TTLL2: variants seen among roughly 807,000 people sequenced by gnomAD.
TTLL2 encodes the protein tubulin tyrosine ligase like 2.
Under a neutral mutation model 7.5 loss-of-function variants are expected in TTLL2, and 10 were observed. The ratio of observed to expected loss-of-function variants is 1.33; its 90% CI spans 0.82 to 2.25. TTLL2 has a LOEUF of 2.25. Ranked by LOEUF, TTLL2 falls within the 30% of genes most tolerant of loss-of-function variation. The pLI, the probability that TTLL2 is intolerant of heterozygous loss-of-function variation, is 0.00. For synonymous variants in TTLL2, 284 were observed against 280.3 expected, an observed-to-expected ratio of 1.01 and a Z score of -0.13; for missense variants, 733 against 735.7, an observed-to-expected ratio of 1.00 and a Z score of 0.04.
rs780723180 is a variant in TTLL2 at position 167,340,965 on chromosome 6, C to T, written c.1065C>T (p.Ala355=). ...GCATGGTTATTCTCACCATTCTCGC[C>T]ATTGCACCATCTGTCCCCTTTGCTG... ...IHRMVILTIL[A]IAPSVPFAAN... Residue 355 remains alanine, a synonymous_variant, in exon 3 of 3, where the codon GCC becomes GCT. Transcript: ENST00000239587. 5 of 1,614,100 alleles carry T rather than the reference C, an allele frequency of 3.1e-6. No individual in the cohort carries two copies. The highest frequency in any genetic ancestry group is 4.2e-6 in the Non-Finnish European group (5 of 1,180,036).
chr6:167,341,313 G>A lies in TTLL2; in HGVS notation c.1413G>A (p.Val471=), dbSNP rs1779092326. 1 of 1,613,678 alleles carries A rather than the reference G, an allele frequency of 6.2e-7. No individual in the cohort carries two copies. The highest frequency in any genetic ancestry group is 8.5e-7 in the Non-Finnish European group (1 of 1,179,972). Residue 471 remains valine, a synonymous_variant, in exon 3 of 3, where the codon GTG becomes GTA. Transcript: ENST00000239587. ...TSRMYNEDDS[V]VEKAVSVRPE... is the part of the protein sequence containing the mutation. Reference sequence around the variant, plus strand: ...GAATGTACAACGAGGATGACTCTGTGGTGGAGAAAGCTGTGAGTGTGCGTC... The same window carrying A: ...GAATGTACAACGAGGATGACTCTGTAGTGGAGAAAGCTGTGAGTGTGCGTC...
chr6:167,329,919 T>A (rs945773396), intron 1 of TTLL2, among the ~76,000 whole-genome samples: 1 of 152,226 alleles, frequency 6.6e-6, no homozygotes, highest in Admixed American at 6.5e-5. Context: ...TTTTGTATTA[T>A]ATAAATGTTT....
chr6:167,328,636 G>A (rs1332652450), intron 1 of TTLL2, among the ~76,000 whole-genome samples: 1 of 152,172 alleles, frequency 6.6e-6, no homozygotes, highest in African/African-American at 2.4e-5. Flanking sequence ...AGTACTGAAT[G>A]GTGGGTGGTA....
intron 2 of TTLL2, 50 bp from the exon 3 acceptor site, chr6:167,340,055 G>A (rs1380420674): frequency 6.6e-7 from 1 of 1,522,814 alleles, no homozygotes; most frequent in Admixed American, 2.2e-5. Context: ...AAATCTACTA[G>A]GTTATGGTCT....
rs917773884 is a variant in TTLL2, at chr6:167,336,312, C to T, written c.48-2335C>T. On this transcript the variant is annotated intron_variant, in intron 1 of 2. Coordinates refer to ENST00000239587, the MANE Select transcript of TTLL2 (RefSeq NM_031949.5). ...CTCCACATCCTCGCCAGCCAGCCTC[C>T]TTCACTGAAAGAAGAAATAATAATA... 3.3e-5 allele frequency among the ~76,000 whole-genome samples: 5 copies of T among 152,016 alleles called. No homozygotes were observed. In the South Asian group the frequency reaches 1.0e-3, roughly 32 times the overall value.
chr6:167,331,961 T>G (rs1298969957), intron 1 of TTLL2, among the ~76,000 whole-genome samples: 1 of 152,166 alleles, frequency 6.6e-6, no homozygotes, highest in Non-Finnish European at 1.5e-5. Context: ...GTATGATTCG[T>G]GAATCATTCG....
At position 167,340,104 on chromosome 6, in the gene TTLL2, G is replaced by GA. The variant is rs757388585; in HGVS notation, c.210dup (p.Pro71ThrfsTer8). The GA allele has an allele frequency of 1.9e-6, 3 of 1,561,968 alleles. No homozygotes were observed. In the Admixed American group the frequency reaches 5.7e-5, roughly 30 times the overall value. ...AACCTTTCTCAATGATCCATTTTTAGAAAAAACCTCATTTGATGGCGGAAG... is the reference window on the plus strand; with the variant it reads ...AACCTTTCTCAATGATCCATTTTTAGAAAAAAACCTCATTTGATGGCGGAAG... On this transcript the variant is annotated frameshift_variant and splice_region_variant. Transcript: ENST00000239587. LOFTEE classifies it high-confidence loss of function.
intron 1 of TTLL2, among the ~76,000 whole-genome samples, chr6:167,331,246 C>T (rs1460364781): frequency 2.0e-5 from 3 of 152,028 alleles, no homozygotes; most frequent in Non-Finnish European, 4.4e-5. Context: ...TTATCATTTC[C>T]TGTGGTGAGG....
intron 1 of TTLL2, chr6:167,328,315 G>A (rs1353764769): frequency 3.1e-6 from 1 of 327,276 alleles, no homozygotes. Context: ...GATTCCCGCA[G>A]TGATGGAATA....
intron 1 of TTLL2, among the ~76,000 whole-genome samples, chr6:167,337,999 C>G (rs1011258019): frequency 6.6e-6 from 1 of 151,954 alleles, no homozygotes; most frequent in Admixed American, 6.6e-5. Flanking sequence ...CACATATACA[C>G]AGCAGACATA....
At chr6:167,337,960 C>T (rs946609932) in intron 1 of TTLL2, among the ~76,000 whole-genome samples, 4 of 151,712 alleles carry the variant, frequency 2.6e-5, no homozygotes, top group African/African-American at 9.7e-5. Context: ...AACACACATA[C>T]ATACCACGTA....
chr6:167,330,598 A>G (rs1173950889), intron 1 of TTLL2, among the ~76,000 whole-genome samples: 1 of 152,082 alleles, frequency 6.6e-6, no homozygotes. Context: ...GAAAGAAAAC[A>G]ATATACAAAA....
chr6:167,331,072 C>G (rs968611390), intron 1 of TTLL2, among the ~76,000 whole-genome samples: 5 of 152,190 alleles, frequency 3.3e-5, no homozygotes, highest in African/African-American at 1.2e-4. Flanking sequence ...TTTCTAAGAG[C>G]TACTCAGTAC....
chr6:167,340,706 C>A lies in TTLL2; in HGVS notation c.806C>A (p.Thr269Asn), dbSNP rs374231286. 1 of 1,614,048 alleles carries A rather than the reference C, an allele frequency of 6.2e-7. No individual in the cohort carries two copies. The highest frequency in any genetic ancestry group is 1.3e-5 in the African/African-American group (1 of 74,882). ...TGTGTTACTGGCTTTAAGCCTTTGA[C>A]CATTTATGTTTATCAGGAAGGGTTG... ...YVCVTGFKPL[T>N]IYVYQEGLVR... Residue 269 changes from threonine (T) to asparagine (N), a missense_variant, in exon 3 of 3, where the codon ACC (threonine) becomes AAC (asparagine). Coordinates refer to ENST00000239587, the MANE Select transcript of TTLL2 (RefSeq NM_031949.5).
intron 1 of TTLL2, among the ~76,000 whole-genome samples, chr6:167,327,176 GA>G (rs1303885683): frequency 6.6e-6 from 1 of 152,204 alleles, no homozygotes; most frequent in Non-Finnish European, 1.5e-5. Context: ...CTTGCTTAGT[GA>G]AACTTCATTT....
intron 1 of TTLL2, among the ~76,000 whole-genome samples, chr6:167,337,380 G>C (rs1323984261): frequency 6.6e-6 from 1 of 152,158 alleles, no homozygotes; most frequent in Non-Finnish European, 1.5e-5. Context: ...GTGGGGAGAC[G>C]GAACTGAGGT....
In TTLL2 at chr6:167,334,249, G is replaced by A. The variant is rs1329522219; in HGVS notation, c.48-4398G>A. On this transcript the variant is annotated intron_variant, in intron 1 of 2. Coordinates refer to ENST00000239587, the MANE Select transcript of TTLL2 (RefSeq NM_031949.5). ...TTGTTCAGTTTCCATGTAGTTGAGC[G>A]GCTTTGAGTGGGATTCTTAATCCTG... 3.0e-4 allele frequency among the ~76,000 whole-genome samples: 45 copies of A among 148,724 alleles called. 1 individual carries two copies. The highest frequency in any genetic ancestry group is 1.1e-3 in the African/African-American group (41 of 39,022).
chr6:167,341,765 C>T lies in TTLL2; in HGVS notation c.*86C>T, dbSNP rs1779101558. ...CTAGAGAAAGCAATAGTTCAAGTCCCTACCTGTGCCACCAGCATGTTAACT... is the reference window on the plus strand; with the variant it reads ...CTAGAGAAAGCAATAGTTCAAGTCCTTACCTGTGCCACCAGCATGTTAACT... On this transcript the variant is annotated 3_prime_UTR_variant, in exon 3 of 3. Coordinates refer to ENST00000239587, the MANE Select transcript of TTLL2 (RefSeq NM_031949.5). 6 of 1,375,156 alleles carry T rather than the reference C, an allele frequency of 4.4e-6. No individual in the cohort carries two copies. In the East Asian group the frequency reaches 1.2e-4, roughly 28 times the overall value. The allele number at this position is 1,375,156 out of a possible 1,614,324, so 85.2% of individuals were successfully genotyped here.
intron 1 of TTLL2, among the ~76,000 whole-genome samples, chr6:167,334,570 T>C (rs1459557836): frequency 6.6e-6 from 1 of 150,716 alleles, no homozygotes; most frequent in Non-Finnish European, 1.5e-5. Flanking sequence ...CTTCAAACTA[T>C]ACTACAAGGC....
Sources: allele counts gnomAD v4.1 joint callset (sites outside exome capture counted in the v4.1 genomes callset), GRCh38; gene constraint gnomAD v4.1.1; transcripts MANE v1.5; gene names NCBI Gene and HGNC (gene_info 2026-07-23, HGNC 2026-07-21).